Variants in LAMA2 observed in about 807,000 individuals in gnomAD.
LAMA2 encodes laminin subunit alpha-2.
A neutral mutation model predicts 364.8 loss-of-function variants in LAMA2; 269 were observed. The ratio of observed to expected loss-of-function variants is 0.74; its 90% CI spans 0.67 to 0.82. The LOEUF (loss-of-function observed/expected upper bound fraction) is 0.82, where lower values mean the gene tolerates loss of function less well. Among genes scored for constraint, LAMA2 ranks in the 40% least tolerant of loss-of-function variants. The pLI, the probability that LAMA2 is intolerant of heterozygous loss-of-function variation, is 0.00. For missense variants in LAMA2, 3,807 were observed against 3,873.2 expected (o/e 0.98, Z 0.45); for synonymous variants, 1,379 against 1,370.6 (o/e 1.01, Z -0.14).
chr6:129,415,092 T>C (rs944934218), intron 40 of LAMA2, among the ~76,000 whole-genome samples: 3 of 152,228 alleles, frequency 2.0e-5, no homozygotes, highest in Non-Finnish European at 4.4e-5. Flanking sequence ...TGATAGACTC[T>C]GCACTCTTTA....
At chr6:129,171,273 T>C (rs926675833) in intron 9 of LAMA2, among the ~76,000 whole-genome samples, 1 of 152,244 alleles carries the variant, frequency 6.6e-6, no homozygotes, top group Non-Finnish European at 1.5e-5. Context: ...CTAGCATCGA[T>C]GGTCTTTACA....
intron 1 of LAMA2, among the ~76,000 whole-genome samples, chr6:128,927,626 T>C (rs73773564): frequency 0.041 from 6,231 of 152,210 alleles, 449 homozygotes; most frequent in African/African-American, 0.14. Flanking sequence ...TCAAGTTATT[T>C]TCCTCCTGTT....
intron 12 of LAMA2, among the ~76,000 whole-genome samples, chr6:129,237,283 G>A (rs1427435925): frequency 2.0e-5 from 3 of 152,002 alleles, no homozygotes; most frequent in East Asian, 1.9e-4. Flanking sequence ...ATGGACGTAC[G>A]GACATTTTCA....
At chr6:128,898,660 C>T (rs1236605334) in intron 1 of LAMA2, among the ~76,000 whole-genome samples, 1 of 152,200 alleles carries the variant, frequency 6.6e-6, no homozygotes, top group East Asian at 1.9e-4. Flanking sequence ...AATCAATTTT[C>T]CATGCAATAG....
chr6:129,065,170 A>G (rs528639976), intron 3 of LAMA2, among the ~76,000 whole-genome samples: 86 of 152,332 alleles, frequency 5.6e-4, no homozygotes, highest in African/African-American at 2.0e-3. Context: ...TGATCATCTC[A>G]ATAGATGCAG....
Position 129,169,518 on chromosome 6 carries a change from G to C in LAMA2, c.1306+3843G>C, listed in dbSNP as rs1239494722. ...TGCATCCCAGGGATGAAGCCTACTT[G>C]ATCATGGTGGATAAGCTTTTTGATG... On this transcript the variant is annotated intron_variant, in intron 9 of 64. Transcript: ENST00000421865. Among the ~76,000 whole-genome samples the C allele has an allele frequency of 4.0e-5, 6 of 151,746 alleles. No homozygotes were observed. In the East Asian group the frequency reaches 5.8e-4, roughly 15 times the overall value.
intron 1 of LAMA2, among the ~76,000 whole-genome samples, chr6:128,907,666 A>G (rs957192682): frequency 3.9e-5 from 6 of 152,124 alleles, no homozygotes; most frequent in Non-Finnish European, 8.8e-5. Flanking sequence ...AACTTCCAAC[A>G]CTATATTGAA....
chr6:128,911,339 G>A (rs1777929311), intron 1 of LAMA2, among the ~76,000 whole-genome samples: 1 of 152,168 alleles, frequency 6.6e-6, no homozygotes, highest in Non-Finnish European at 1.5e-5. Flanking sequence ...TAATCTCGTG[G>A]TTCGCCGTTT....
In LAMA2 at chr6:129,032,598, T is replaced by A. The variant is rs1786316389; in HGVS notation, c.113-17320T>A. Among the ~76,000 whole-genome samples the A allele has an allele frequency of 3.3e-5, 5 of 152,206 alleles. No homozygotes were observed. The South Asian group carries it at 1.0e-3, about 31-fold the overall frequency. Reference sequence around the variant, plus strand: ...TTTTAACCTAGGTACAATTATGATCTATTTTTAAGAAGACTGACTTGATCA... The same window carrying A: ...TTTTAACCTAGGTACAATTATGATCAATTTTTAAGAAGACTGACTTGATCA... On this transcript the variant is annotated intron_variant, in intron 1 of 64. Transcript: ENST00000421865.
intron 1 of LAMA2, among the ~76,000 whole-genome samples, chr6:128,997,928 A>G (rs1784093623): frequency 6.6e-6 from 1 of 152,198 alleles, no homozygotes; most frequent in Non-Finnish European, 1.5e-5. Context: ...GGTGATTTTA[A>G]GGATGGATCA....
intron 56 of LAMA2, among the ~76,000 whole-genome samples, chr6:129,487,152 G>C (rs1463136258): frequency 6.6e-6 from 1 of 152,162 alleles, no homozygotes; most frequent in Non-Finnish European, 1.5e-5. Context: ...CTGCAGAGTG[G>C]CTTTCTGAGG....
At chr6:129,416,964 G>A (rs945756619) in intron 40 of LAMA2, among the ~76,000 whole-genome samples, 6 of 152,164 alleles carry the variant, frequency 3.9e-5, no homozygotes, top group Non-Finnish European at 2.9e-5. Context: ...CAGGGAATGC[G>A]GTGGCACCCA....
intron 1 of LAMA2, among the ~76,000 whole-genome samples, chr6:129,027,962 A>G (rs1375916442): frequency 6.6e-6 from 1 of 151,920 alleles, no homozygotes; most frequent in African/African-American, 2.4e-5. Context: ...CTGGAGTGAG[A>G]CAAGAATGTG....
chr6:129,025,279 C>T (rs773969616), intron 1 of LAMA2, among the ~76,000 whole-genome samples: 4 of 151,850 alleles, frequency 2.6e-5, no homozygotes, highest in Non-Finnish European at 4.4e-5. Flanking sequence ...TCACTTGAGT[C>T]GTTTATCTGT....
At chr6:129,438,465 A>T (rs1363140214) in intron 41 of LAMA2, among the ~76,000 whole-genome samples, 181 bp from the exon 42 acceptor site, 1 of 151,984 alleles carries the variant, frequency 6.6e-6, no homozygotes, top group Non-Finnish European at 1.5e-5. Flanking sequence ...TTCAATGATA[A>T]TAAAAACACA....
At chr6:129,298,192 T>C (rs1315293568) in intron 21 of LAMA2, among the ~76,000 whole-genome samples, 1 of 37,718 alleles carries the variant, frequency 2.7e-5, no homozygotes, top group African/African-American at 1.8e-4. Flanking sequence ...GTACCAGTCT[T>C]ATCTTAGTTT....
chr6:129,100,400 A>G (rs553232359), intron 4 of LAMA2, among the ~76,000 whole-genome samples: 6 of 152,344 alleles, frequency 3.9e-5, no homozygotes, highest in African/African-American at 1.4e-4. Context: ...ACAGAAAGTA[A>G]TTCAAAATAT....
rs767265332 is a variant in LAMA2, at chr6:129,004,874, T to C, written c.113-45044T>C. 1.1e-4 allele frequency among the ~76,000 whole-genome samples: 17 copies of C among 152,202 alleles called. No homozygotes were observed. In the Middle Eastern group the frequency reaches 0.01, roughly 92 times the overall value. ...TTAACACCTTTTTCATAAAACACTT[T>C]TCAGGATATATATATAGTTAGGGCT... is the stretch of plus-strand genomic sequence containing the variant. On this transcript the variant is annotated intron_variant, in intron 1 of 64. Coordinates refer to ENST00000421865, the MANE Select transcript of LAMA2 (RefSeq NM_000426.4).
intron 41 of LAMA2, among the ~76,000 whole-genome samples, chr6:129,434,969 G>A (rs1202700481): frequency 1.3e-5 from 2 of 151,834 alleles, no homozygotes; most frequent in Admixed American, 6.6e-5. Flanking sequence ...ATCAGAACAG[G>A]GTTGGAATAT....
Sources: allele counts gnomAD v4.1 joint callset (sites outside exome capture counted in the v4.1 genomes callset), GRCh38; gene constraint gnomAD v4.1.1; transcripts MANE v1.5; gene names NCBI Gene and HGNC (gene_info 2026-07-23, HGNC 2026-07-21).